DIP2A: variants seen among roughly 807,000 people sequenced by gnomAD.
DIP2A encodes the protein DIP2 acetate--CoA ligase A.
Under a neutral mutation model 177.4 loss-of-function variants are expected in DIP2A, and 85 were observed. The observed-to-expected ratio is 0.48, with a 90% confidence interval of 0.40 to 0.57. DIP2A has a LOEUF of 0.57. Ranked by LOEUF, DIP2A falls within the 20% of genes least tolerant of loss-of-function variation. The pLI, the probability that DIP2A is intolerant of heterozygous loss-of-function variation, is 0.00. For missense variants in DIP2A, 1,791 were observed against 2,100.2 expected (o/e 0.85, Z 2.88); for synonymous variants, 886 against 881.8 (o/e 1.00, Z -0.08).
Position 46,480,571 on chromosome 21 carries a change from A to G in DIP2A, c.92-4186A>G, listed in dbSNP as rs548191733. Among the ~76,000 whole-genome samples, 12 of 151,936 alleles carry G rather than the reference A, an allele frequency of 7.9e-5. 1 individual carries two copies. In the South Asian group the frequency reaches 1.3e-3, roughly 16 times the overall value. On this transcript the variant is annotated intron_variant, in intron 1 of 37. Coordinates refer to ENST00000417564, the MANE Select transcript of DIP2A (RefSeq NM_015151.4). ...GCAGCTGTGGGCTTTCCCAGCTGCC[A>G]TGGCACAGAGACCTTGCCTTGGGAT...
chr21:46,555,804 A>G (rs893072320), intron 28 of DIP2A, 178 bp from the exon 29 acceptor site: 3 of 615,860 alleles, frequency 4.9e-6, no homozygotes, highest in African/African-American at 1.8e-5. Context: ...TCCATGAAGA[A>G]TGAAATACGC....
chr21:46,533,479 C>CT lies in DIP2A; in HGVS notation c.1306-44dup, dbSNP rs537607376. ...GAGCACCAAGGGTCTGGGGCTGTGG[C>CT]TGCTGTGAGCACCCCACCCCACACG... is the stretch of plus-strand genomic sequence containing the variant. On this transcript the variant is annotated intron_variant, in intron 10 of 37. Coordinates refer to ENST00000417564, the MANE Select transcript of DIP2A (RefSeq NM_015151.4). 1,029 of 1,595,096 alleles carry CT rather than the reference C, an allele frequency of 6.5e-4. 1 individual carries two copies. Among genetic ancestry groups the CT allele is most frequent in the Non-Finnish European group, 7.5e-4 (876 of 1,170,832 alleles).
At position 46,556,055 on chromosome 21, in the gene DIP2A, C is replaced by T. The variant is rs1186541024; in HGVS notation, c.3462C>T (p.Phe1154=). ...CCGATGTCCTCGCATACTTGGACTT[C>T]AGCGTGTCAACCACTGGGATATTAG... ...PSPDVLAYLD[F]SVSTTGILAG... The change falls in exon 29 of 38, where the codon TTC becomes TTT. Residue 1154 remains phenylalanine, a synonymous_variant. Transcript: ENST00000417564. This position sits in a 1 kb window ranked among gnomAD's most constrained non-coding sequence, Gnocchi z 4.5. 6.2e-7 allele frequency: 1 copy of T among 1,613,994 alleles called. No individual in the cohort carries two copies. The highest frequency in any genetic ancestry group is 8.5e-7 in the Non-Finnish European group (1 of 1,179,862).
chr21:46,459,281 G>A, intron 1 of DIP2A, 59 bp downstream of exon 1: 1 of 1,387,450 alleles, frequency 7.2e-7, no homozygotes, highest in South Asian at 1.4e-5. Context: ...CCCCCGCGCA[G>A]CCCCTCACTC....
intron 2 of DIP2A, among the ~76,000 whole-genome samples, chr21:46,487,742 A>G (rs1230014285): frequency 6.6e-6 from 1 of 152,214 alleles, no homozygotes; most frequent in Non-Finnish European, 1.5e-5. Context: ...AATGCTTATT[A>G]ATGCATTTGG....
intron 1 of DIP2A, among the ~76,000 whole-genome samples, chr21:46,470,911 G>A (rs542194556): frequency 1.4e-5 from 2 of 143,458 alleles, no homozygotes; most frequent in Admixed American, 7.0e-5. Flanking sequence ...CCTGGGAAAC[G>A]AGTGAAATTC....
chr21:46,474,077 A>T (rs923752259), intron 1 of DIP2A, among the ~76,000 whole-genome samples: 1 of 152,158 alleles, frequency 6.6e-6, no homozygotes, highest in Non-Finnish European at 1.5e-5. Context: ...GCTGGTCTGG[A>T]CAGAGCTGAG....
At chr21:46,507,767 T>G (rs775030422) in intron 6 of DIP2A, among the ~76,000 whole-genome samples, 75 of 148,028 alleles carry the variant, frequency 5.1e-4, no homozygotes, top group Non-Finnish European at 8.0e-4. Context: ...GTGGCTTGAT[T>G]TTGGCTCACC....
At position 46,477,543 on chromosome 21, in the gene DIP2A, T is replaced by TTTTGTGTG. The variant is rs374607636; in HGVS notation, c.92-7213_92-7212insTTGTGTGT. ...CTCCGCCTAAAATAAAAAAAAAGAT[T>TTTTGTGTG]TGTGTGTGTGTGTGTGTGTGTGTGT... On this transcript the variant is annotated intron_variant, in intron 1 of 37. Coordinates refer to ENST00000417564, the MANE Select transcript of DIP2A (RefSeq NM_015151.4). Among the ~76,000 whole-genome samples the TTTTGTGTG allele has an allele frequency of 3.6e-3, 315 of 87,112 alleles. 6 individuals carry two copies. The highest frequency in any genetic ancestry group is 0.013 in the African/African-American group (297 of 23,220). 57.1% of individuals were successfully genotyped at this position (87,112 alleles called of 152,430 possible). A position where few individuals can be genotyped will look rare whatever the true frequency, so the allele number is the denominator to read the frequency against.
the DIP2A span, among the ~76,000 whole-genome samples, chr21:46,581,377 A>C: frequency 6.6e-6 from 1 of 152,170 alleles, no homozygotes; most frequent in Non-Finnish European, 1.5e-5. Flanking sequence ...GCTCCTTTGC[A>C]CTGGGTTAGA....
Position 46,550,675 on chromosome 21 carries a change from C to T in DIP2A, c.2770C>T (p.Pro924Ser). ...KQRFLEGTLH[P>S]CNVLMCPHTC... ...GCGCTTTCTGGAAGGGACGCTGCAC[C>T]CGTGTAATGTGCTGATGTGCCCTCA... Residue 924 changes from proline to serine, a missense_variant, in exon 23 of 38, where the codon CCG (proline) becomes TCG (serine). Transcript: ENST00000417564. 1 of 1,614,034 alleles carries T rather than the reference C, an allele frequency of 6.2e-7. No individual in the cohort carries two copies. The highest frequency in any genetic ancestry group is 8.5e-7 in the Non-Finnish European group (1 of 1,179,904).
At chr21:46,484,466 A>G (rs1458236245) in intron 1 of DIP2A, among the ~76,000 whole-genome samples, 1 of 152,176 alleles carries the variant, frequency 6.6e-6, no homozygotes, top group East Asian at 1.9e-4. Flanking sequence ...CTATGGTTGT[A>G]TCTTTTCCAG....
chr21:46,522,722 C>T (rs996288971), intron 8 of DIP2A, among the ~76,000 whole-genome samples: 2 of 152,166 alleles, frequency 1.3e-5, no homozygotes, highest in East Asian at 3.9e-4. Context: ...TAACACAGTG[C>T]TGCAAAACAG....
intron 1 of DIP2A, among the ~76,000 whole-genome samples, chr21:46,462,175 A>T (rs1278164490): frequency 6.6e-6 from 1 of 152,222 alleles, no homozygotes; most frequent in Non-Finnish European, 1.5e-5. Flanking sequence ...CTTTTGGCCA[A>T]AATAGGTCAG....
chr21:46,556,042 C>T lies in DIP2A; in HGVS notation c.3449C>T (p.Ala1150Val). 6.2e-7 allele frequency: 1 copy of T among 1,613,994 alleles called. No individual in the cohort carries two copies. The highest frequency in any genetic ancestry group is 8.5e-7 in the Non-Finnish European group (1 of 1,179,890). ...VFRPPSPDVL[A>V]YLDFSVSTTG... ...AGGCCCCCCTCCCCCGATGTCCTCG[C>T]ATACTTGGACTTCAGCGTGTCAACC... is the stretch of plus-strand genomic sequence containing the variant. The change falls in exon 29 of 38, where the codon GCA becomes GTA. Residue 1150 changes from alanine to valine, a missense_variant. Physicochemically the swap from Ala to Val is moderately conservative, Grantham distance 64 (BLOSUM62 0). Coordinates refer to ENST00000417564, the MANE Select transcript of DIP2A (RefSeq NM_015151.4). The surrounding 1 kb of genome is among the most constrained non-coding windows in gnomAD (Gnocchi z 4.5).
chr21:46,533,961 C>A, intron 11 of DIP2A, 43 bp from the exon 12 acceptor site: 1 of 1,537,092 alleles, frequency 6.5e-7, no homozygotes, highest in African/African-American at 1.4e-5. Context: ...GGAGCAGATG[C>A]CTCTGACTGC....
chr21:46,567,467 G>A lies in DIP2A; in HGVS notation c.4561G>A (p.Val1521Met). 1 of 1,614,018 alleles carries A rather than the reference G, an allele frequency of 6.2e-7. No homozygotes were observed. The change falls in exon 38 of 38, where the codon GTG becomes ATG. Residue 1521 changes from valine (V) to methionine (M), a missense_variant. Transcript: ENST00000417564. ...LDLVALVTNV[V>M]LEEHYLVVGV... ...CCTGGTGGCCCTGGTGACCAACGTGGTGCTGGAGGAGCACTACCTGGTCGT... is the reference window on the plus strand; with the variant it reads ...CCTGGTGGCCCTGGTGACCAACGTGATGCTGGAGGAGCACTACCTGGTCGT...
chr21:46,551,925 C>T (rs557962296), intron 25 of DIP2A, 21 bp downstream of exon 25: 19 of 1,580,318 alleles, frequency 1.2e-5, no homozygotes, highest in South Asian at 1.0e-4. Flanking sequence ...GTCACGCCCA[C>T]GGGGCTTGGA....
chr21:46,557,763 C>T lies in DIP2A; in HGVS notation c.3798+10C>T. The T allele has an allele frequency of 6.3e-7, 1 of 1,598,066 alleles. No homozygotes were observed. The highest frequency in any genetic ancestry group is 1.7e-4 in the Middle Eastern group (1 of 6,016). On this transcript the variant is annotated intron_variant, in intron 31 of 37. Coordinates refer to ENST00000417564, the MANE Select transcript of DIP2A (RefSeq NM_015151.4). The surrounding 1 kb of genome is among the most constrained non-coding windows in gnomAD (Gnocchi z 6.0). Reference sequence around the variant, plus strand: ...GACGGGTGTCCTCAGGGTGAGTGCCCAGACCCGGGCTTCTGAGTGTGCTGC... The same window carrying T: ...GACGGGTGTCCTCAGGGTGAGTGCCTAGACCCGGGCTTCTGAGTGTGCTGC...
Sources: allele counts gnomAD v4.1 joint callset (sites outside exome capture counted in the v4.1 genomes callset), GRCh38; gene constraint gnomAD v4.1.1; non-coding constraint Gnocchi (gnomAD v3.1); transcripts MANE v1.5; gene names NCBI Gene and HGNC (gene_info 2026-07-23, HGNC 2026-07-21).